Variants in SLFN11 observed in about 807,000 individuals in gnomAD.
SLFN11 encodes the protein schlafen family member 11.
A neutral mutation model predicts 53.4 loss-of-function variants in SLFN11; 43 were observed. The observed-to-expected ratio is 0.80, with a 90% CI of 0.63 to 1.04. The LOEUF (loss-of-function observed/expected upper bound fraction) is 1.04. Ranked by LOEUF, SLFN11 falls within the 50% of genes least tolerant of loss-of-function variation. The probability of loss-of-function intolerance (pLI) is 0.00; values close to 1 mark genes in which losing one functional copy is unlikely to be tolerated. For missense variants in SLFN11, 990 were observed against 1,079.1 expected (o/e 0.92, Z 1.16); for synonymous variants, 389 against 394.7 (o/e 0.99, Z 0.17).
chr17:35,352,792 G>C lies in SLFN11; in HGVS notation c.2270C>G (p.Pro757Arg). 1.2e-6 allele frequency: 2 copies of C among 1,614,174 alleles called. No individual in the cohort carries two copies. The highest frequency in any genetic ancestry group is 1.7e-6 in the Non-Finnish European group (2 of 1,180,042). The stretch of plus-strand genomic sequence containing the variant: ...AGGAAATACCTCGAGGCACCCAGTG[G>C]GGATGTTAAATGAAGGATTACTTCT... ...VIRSNPSFNI[P>R]TGCLEVFPEA... Residue 757 changes from proline (P) to arginine (R), a missense_variant, in exon 7 of 7, where the codon CCC becomes CGC. By Grantham distance (103) the Pro-to-Arg change is moderately radical. Transcript: ENST00000685675.
At chr17:35,364,846 G>A (rs575468511) in intron 3 of SLFN11, among the ~76,000 whole-genome samples, 4 of 152,136 alleles carry the variant, frequency 2.6e-5, no homozygotes, top group Admixed American at 2.0e-4. Flanking sequence ...ATGAGTCAAC[G>A]AATAAATGGG....
At chr17:35,366,480 C>T (rs972687792) in intron 3 of SLFN11, among the ~76,000 whole-genome samples, 5 of 152,006 alleles carry the variant, frequency 3.3e-5, no homozygotes, top group East Asian at 3.9e-4. Context: ...ATTTTAAATA[C>T]AGTCAACAAA....
rs754330578 is a variant in SLFN11 at position 35,363,604 on chromosome 17, C to T, written c.204G>A (p.Glu68=). 6.2e-7 allele frequency: 1 copy of T among 1,613,774 alleles called. No individual in the cohort carries two copies. Among genetic ancestry groups the T allele is most frequent in the South Asian group, 1.1e-5 (1 of 91,046 alleles). The change falls in exon 4 of 7, where the codon GAG becomes GAA. Residue 68 remains glutamate (E), a synonymous_variant. Transcript: ENST00000685675. ...GGVIRMAKKV[E]HPVEMGLDLE... Reference sequence around the variant, plus strand: ...AATCCAGTCCCATCTCCACGGGATGCTCAACCTTCTTGGCCATTCGAATCA... The same window carrying T: ...AATCCAGTCCCATCTCCACGGGATGTTCAACCTTCTTGGCCATTCGAATCA...
chr17:35,354,416 C>T (rs1055861309), intron 5 of SLFN11, among the ~76,000 whole-genome samples: 1 of 152,122 alleles, frequency 6.6e-6, no homozygotes, highest in Non-Finnish European at 1.5e-5. Flanking sequence ...TGTTGGTTCT[C>T]CTCCTCCCCT....
intron 6 of SLFN11, 30 bp downstream of exon 6, chr17:35,353,306 T>A (rs758832913): frequency 2.2e-5 from 36 of 1,613,604 alleles, no homozygotes; most frequent in Admixed American, 3.3e-5. Flanking sequence ...GATTAAATAA[T>A]ACTTAGAGAC....
chr17:35,350,840 A>G lies in SLFN11; in HGVS notation c.*1516T>C, dbSNP rs1420015907. 1 of 152,252 alleles carries G rather than the reference A, an allele frequency of 6.6e-6. No homozygotes were observed. Among genetic ancestry groups the G allele is most frequent in the Non-Finnish European group, 1.5e-5 (1 of 68,042 alleles). 9.4% of individuals were successfully genotyped at this position (152,252 alleles called of 1,614,324 possible). A position where few individuals can be genotyped will look rare whatever the true frequency, so the allele number is the denominator to read the frequency against. On this transcript the variant is annotated 3_prime_UTR_variant, in exon 7 of 7. Transcript: ENST00000685675. Reference sequence around the variant, plus strand: ...GGAAATCAGTAGAGTAAGATTACCAATAAGTGAAATATTGGTCATATGATT... The same window carrying G: ...GGAAATCAGTAGAGTAAGATTACCAGTAAGTGAAATATTGGTCATATGATT...
At position 35,352,984 on chromosome 17, in the gene SLFN11, C is replaced by A; in HGVS notation, c.2078G>T (p.Gly693Val). 1 of 1,614,132 alleles carries A rather than the reference C, an allele frequency of 6.2e-7. No homozygotes were observed. The stretch of plus-strand genomic sequence containing the variant: ...AAAGATCCAGAGAATTCCTGGGCCA[C>A]CCTTTGCTCTCCGAGTGATGCTTTT... ...KAKSITRRAK[G>V]GPGILWIFLD... The change falls in exon 7 of 7, where the codon GGT becomes GTT. Residue 693 changes from glycine (G) to valine (V), a missense_variant. By Grantham distance (109) the Gly-to-Val change is moderately radical (BLOSUM62 -3). This residue lies in a region of SLFN11 where 313 missense variants were observed against 320.9 expected (regional missense o/e 0.98). Coordinates refer to ENST00000685675, the MANE Select transcript of SLFN11 (RefSeq NM_001376007.1).
intron 1 of SLFN11, among the ~76,000 whole-genome samples, chr17:35,371,586 A>G (rs918039684): frequency 6.6e-6 from 1 of 152,158 alleles, no homozygotes; most frequent in African/African-American, 2.4e-5. Context: ...ACAAGGGAGT[A>G]ATAACCAGAA....
At chr17:35,362,699 T>C (rs1464700620) in intron 4 of SLFN11, 40 bp downstream of exon 4, 1 of 1,474,828 alleles carries the variant, frequency 6.8e-7, no homozygotes, top group African/African-American at 1.4e-5. Flanking sequence ...GTCCCAAGGA[T>C]GTAGAAAGGA....
intron 1 of SLFN11, among the ~76,000 whole-genome samples, chr17:35,372,308 T>C (rs1909777945): frequency 6.6e-6 from 1 of 152,042 alleles, no homozygotes; most frequent in South Asian, 2.1e-4. Context: ...GATGACTACC[T>C]GAGGAAGGGT....
At chr17:35,353,233 A>G in intron 6 of SLFN11, 94 bp from the exon 7 acceptor site, 1 of 1,598,582 alleles carries the variant, frequency 6.3e-7, no homozygotes, top group Non-Finnish European at 8.5e-7. Flanking sequence ...GTACATTACC[A>G]CAGATCATTT....
chr17:35,372,009 A>C lies in SLFN11; in HGVS notation c.-235+1465T>G, dbSNP rs565430810. On this transcript the variant is annotated intron_variant, in intron 1 of 6. Transcript: ENST00000685675. ...GAAAGGAAATCAGTATATCCAAGAG[A>C]CATCTGCACTCCTATGTTTCCTGCA... is the stretch of plus-strand genomic sequence containing the variant. Among the ~76,000 whole-genome samples, 3 of 152,260 alleles carry C rather than the reference A, an allele frequency of 2.0e-5. No individual in the cohort carries two copies. The South Asian group carries it at 6.2e-4, about 32-fold the overall frequency.
chr17:35,361,477 T>C, intron 4 of SLFN11, among the ~76,000 whole-genome samples: 1 of 151,996 alleles, frequency 6.6e-6, no homozygotes, highest in East Asian at 1.9e-4. Flanking sequence ...TGTTCTTTTG[T>C]TTTTGAGACA....
chr17:35,372,542 T>C (rs780339851), intron 1 of SLFN11, among the ~76,000 whole-genome samples: 18 of 152,084 alleles, frequency 1.2e-4, no homozygotes, highest in Admixed American at 6.6e-4. Context: ...ACATTGCATG[T>C]CTGTATCAAA....
Position 35,352,614 on chromosome 17 carries a change from T to C in SLFN11, c.2448A>G (p.Ala816=), listed in dbSNP as rs188760591. 1.1e-4 allele frequency: 174 copies of C among 1,614,166 alleles called. 1 individual carries two copies. The Middle Eastern group carries it at 1.8e-3, about 17-fold the overall frequency. The stretch of plus-strand genomic sequence containing the variant: ...CATACTTATAGTGCTCCACTTCTTT[T>C]GCGGTGCTGACAAGCACAGCAACAT... The part of the protein sequence containing the change: ...PKDVAVLVST[A]KEVEHYKYEL... Residue 816 remains alanine (A), a synonymous_variant, in exon 7 of 7, where the codon GCA becomes GCG. Transcript: ENST00000685675.
At chr17:35,365,404 C>T (rs1386390953) in intron 3 of SLFN11, among the ~76,000 whole-genome samples, 1 of 152,114 alleles carries the variant, frequency 6.6e-6, no homozygotes. Flanking sequence ...CCACCTCAGC[C>T]TCCTGAGTAG....
At chr17:35,365,552 C>G (rs911346227) in intron 3 of SLFN11, among the ~76,000 whole-genome samples, 1 of 152,106 alleles carries the variant, frequency 6.6e-6, no homozygotes, top group Non-Finnish European at 1.5e-5. Context: ...CCTTGGCCTC[C>G]CAAAGTGCTA....
At chr17:35,364,580 A>C (rs1908712159) in intron 3 of SLFN11, among the ~76,000 whole-genome samples, 2 of 152,112 alleles carry the variant, frequency 1.3e-5, no homozygotes, top group African/African-American at 4.8e-5. Context: ...GAGGCAATAA[A>C]CCAGAGGCTA....
intron 5 of SLFN11, among the ~76,000 whole-genome samples, chr17:35,359,433 T>G (rs1907917390): frequency 6.6e-6 from 1 of 152,164 alleles, no homozygotes; most frequent in Non-Finnish European, 1.5e-5. Flanking sequence ...TATTTACACA[T>G]ATATAGGACA....
Sources: gnomAD v4.1 joint callset for allele counts (sites outside exome capture counted in the v4.1 genomes callset) on GRCh38, gnomAD v4.1.1 for gene constraint, gnomAD v4.1.1 regional missense constraint, MANE v1.5 for transcripts, NCBI Gene and HGNC (gene_info 2026-07-23, HGNC 2026-07-21) for gene names.